PRMT3: variants seen among roughly 807,000 people sequenced by gnomAD.
PRMT3 encodes the protein protein arginine N-methyltransferase 3.
PRMT3 carries 62 observed loss-of-function variants against 71.9 expected under a neutral mutation model. That is an observed-to-expected ratio of 0.86 (90% confidence interval 0.70 to 1.07). The LOEUF is 1.07. Among genes scored for constraint, PRMT3 ranks in the 50% least tolerant of loss-of-function variants. The pLI is 0.00. For missense variants in PRMT3, 663 were observed against 643.0 expected (o/e 1.03, Z -0.34); for synonymous variants, 213 against 220.4 (o/e 0.97, Z 0.30).
At chr11:20,482,117 A>G (rs1354025261) in intron 13 of PRMT3, among the ~76,000 whole-genome samples, 4 of 151,942 alleles carry the variant, frequency 2.6e-5, no homozygotes, top group Admixed American at 6.6e-5. Flanking sequence ...TAACCTGTCC[A>G]TAGAGTTAAT....
At chr11:20,494,041 G>A in intron 14 of PRMT3, 72 bp downstream of exon 14, 11 of 1,463,750 alleles carry the variant, frequency 7.5e-6, no homozygotes, top group Non-Finnish European at 3.8e-6. Context: ...TGTGCCCCAA[G>A]GTGTTTAATC....
At chr11:20,402,607 C>T (rs1848974038) in intron 7 of PRMT3, among the ~76,000 whole-genome samples, 2 of 151,370 alleles carry the variant, frequency 1.3e-5, no homozygotes, top group South Asian at 2.1e-4. Context: ...AGGAGCAAAA[C>T]ATGTTCATCT....
intron 11 of PRMT3, among the ~76,000 whole-genome samples, chr11:20,459,620 T>C (rs1850338407): frequency 6.6e-6 from 1 of 152,200 alleles, no homozygotes; most frequent in South Asian, 2.1e-4. Context: ...CACCTGACTA[T>C]ACCCTTATTA....
intron 15 of PRMT3, among the ~76,000 whole-genome samples, chr11:20,502,238 T>C (rs1390245898): frequency 6.6e-6 from 1 of 152,224 alleles, no homozygotes; most frequent in Non-Finnish European, 1.5e-5. Flanking sequence ...TATTTGACAC[T>C]GATTAATTAC....
In PRMT3 at chr11:20,388,134, C is replaced by T. The variant is rs746426258; in HGVS notation, c.144C>T (p.Thr48=). 29 of 1,613,850 alleles carry T rather than the reference C, an allele frequency of 1.8e-5. No individual in the cohort carries two copies. Among genetic ancestry groups the T allele is most frequent in the Admixed American group, 1.3e-4 (8 of 60,002 alleles). ...DADLPHGKQQ[T]PCLFCNRLFT... ...ATCTCCCCCACGGCAAGCAGCAGAC[C>T]CCCTGCCTGTTCTGTAACAGGTTCG... The change falls in exon 2 of 16, where the codon ACC becomes ACT. Residue 48 remains threonine (T), a synonymous_variant. Transcript: ENST00000331079.
At position 20,392,779 on chromosome 11, in the gene PRMT3, A is replaced by T; in HGVS notation, c.298-118A>T. 3 of 670,712 alleles carry T rather than the reference A, an allele frequency of 4.5e-6. No homozygotes were observed. The East Asian group carries it at 7.8e-5, about 18-fold the overall frequency. 41.5% of individuals were successfully genotyped at this position (670,712 alleles called of 1,614,324 possible). On this transcript the variant is annotated intron_variant, in intron 4 of 15. Coordinates refer to ENST00000331079, the MANE Select transcript of PRMT3 (RefSeq NM_005788.4). The stretch of plus-strand genomic sequence containing the variant: ...ACAGGCACGTAGACTTTTTGGAGAC[A>T]TACTGACTTTGTGTAATGCAAACAT...
chr11:20,408,670 C>T (rs1460737301), intron 9 of PRMT3, among the ~76,000 whole-genome samples: 1 of 152,152 alleles, frequency 6.6e-6, no homozygotes, highest in African/African-American at 2.4e-5. Flanking sequence ...ATTTCTTTCC[C>T]TACGTGCTTA....
Position 20,493,961 on chromosome 11 carries a change from C to CACAACAGG in PRMT3, c.1391_1398dup (p.Val467ThrfsTer36). 6.3e-7 allele frequency: 1 copy of CACAACAGG among 1,589,292 alleles called. No individual in the cohort carries two copies. Among genetic ancestry groups the CACAACAGG allele is most frequent in the Non-Finnish European group, 8.6e-7 (1 of 1,162,582 alleles). On this transcript the variant is annotated frameshift_variant, in exon 14 of 16. Coordinates refer to ENST00000331079, the MANE Select transcript of PRMT3 (RefSeq NM_005788.4). LOFTEE classifies it high-confidence loss of function. ...TGATATATATTTTGAGAAGAATTGCCACAACAGGGTAAGTATCATGAATTA... is the reference window on the plus strand; with the variant it reads ...TGATATATATTTTGAGAAGAATTGCCACAACAGGACAACAGGGTAAGTATCATGAATTA...
At chr11:20,408,780 T>C (rs1849128527) in intron 9 of PRMT3, among the ~76,000 whole-genome samples, 1 of 152,186 alleles carries the variant, frequency 6.6e-6, no homozygotes, top group Admixed American at 6.5e-5. Flanking sequence ...TCAACTTACA[T>C]TGCTGTTCCA....
chr11:20,481,728 C>G (rs536007269), intron 13 of PRMT3, among the ~76,000 whole-genome samples: 145 of 152,018 alleles, frequency 9.5e-4, no homozygotes, highest in African/African-American at 3.4e-3. Flanking sequence ...TAATATTTTC[C>G]ATATTTGAAG....
At position 20,452,201 on chromosome 11, in the gene PRMT3, A is replaced by G. The variant is rs1361313162; in HGVS notation, c.1065A>G (p.Gly355=). The G allele has an allele frequency of 6.2e-7, 1 of 1,602,506 alleles. No homozygotes were observed. Among genetic ancestry groups the G allele is most frequent in the Admixed American group, 1.7e-5 (1 of 59,954 alleles). ...CAAAGAACAAATACTTGGCAAAAGGAGGCTCGGGTGAGTATAAAATTCTGG... is the reference window on the plus strand; with the variant it reads ...CAAAGAACAAATACTTGGCAAAAGGGGGCTCGGGTGAGTATAAAATTCTGG... ...LYAKNKYLAK[G]GSVYPDICTI... The change falls in exon 11 of 16, where the codon GGA becomes GGG. Residue 355 remains glycine (G), a synonymous_variant. Coordinates refer to ENST00000331079, the MANE Select transcript of PRMT3 (RefSeq NM_005788.4).
At chr11:20,496,949 G>C (rs7935928) in intron 15 of PRMT3, among the ~76,000 whole-genome samples, 132,005 of 152,184 alleles carry the variant, frequency 0.87, 58,135 homozygotes, top group Middle Eastern at 0.96. Flanking sequence ...CACAGCAAAA[G>C]TGAAATGAGG....
At chr11:20,458,885 T>C (rs2133396487) in intron 11 of PRMT3, among the ~76,000 whole-genome samples, 1 of 152,348 alleles carries the variant, frequency 6.6e-6, no homozygotes, top group South Asian at 2.1e-4. Context: ...AAAATTGTTT[T>C]ATTACTTTTA....
chr11:20,450,808 C>T (rs1385727671), intron 10 of PRMT3, among the ~76,000 whole-genome samples: 1 of 151,946 alleles, frequency 6.6e-6, no homozygotes, highest in Non-Finnish European at 1.5e-5. Flanking sequence ...TTTTCTTGTT[C>T]TAGAGAAACC....
At chr11:20,475,178 C>T (rs1590092149) in intron 13 of PRMT3, among the ~76,000 whole-genome samples, 2 of 152,240 alleles carry the variant, frequency 1.3e-5, no homozygotes, top group African/African-American at 2.4e-5. Flanking sequence ...GGGTTATTAG[C>T]ACAAAGCAAG....
At chr11:20,503,630 A>AT (rs369672175) in intron 15 of PRMT3, among the ~76,000 whole-genome samples, 12,830 of 145,122 alleles carry the variant, frequency 0.088, 705 homozygotes, top group East Asian at 0.2. Flanking sequence ...CTTTCTTGGC[A>AT]TTTTTTTTTT....
chr11:20,503,875 T>C (rs1590117320), intron 15 of PRMT3, among the ~76,000 whole-genome samples: 1 of 152,202 alleles, frequency 6.6e-6, no homozygotes, highest in East Asian at 1.9e-4. Context: ...TTATGGTAAG[T>C]GTATATTTAA....
intron 13 of PRMT3, among the ~76,000 whole-genome samples, chr11:20,481,775 T>C (rs1394373123): frequency 6.6e-6 from 1 of 152,138 alleles, no homozygotes; most frequent in African/African-American, 2.4e-5. Flanking sequence ...CCAAATTTAC[T>C]TCCATTTGAC....
chr11:20,400,972 ATT>A (rs35357971), intron 7 of PRMT3, among the ~76,000 whole-genome samples: 352 of 148,206 alleles, frequency 2.4e-3, no homozygotes, highest in African/African-American at 5.7e-3. Context: ...TATTTATTGG[ATT>A]TTTTTTTTTT....
Sources: allele counts gnomAD v4.1 joint callset (sites outside exome capture counted in the v4.1 genomes callset), GRCh38; gene constraint gnomAD v4.1.1; transcripts MANE v1.5; gene names NCBI Gene and HGNC (gene_info 2026-07-23, HGNC 2026-07-21).